HSP90AB1: variants seen among roughly 807,000 people sequenced by gnomAD.
HSP90AB1 encodes the protein heat shock protein HSP 90-beta.
Under a neutral mutation model 67.8 loss-of-function variants are expected in HSP90AB1, and 17 were observed. The ratio of observed to expected loss-of-function variants is 0.25; its 90% CI spans 0.17 to 0.38. The LOEUF is 0.38. Ranked by LOEUF, HSP90AB1 falls within the 10% of genes least tolerant of loss-of-function variation. The pLI, the probability that HSP90AB1 is intolerant of heterozygous loss-of-function variation, is 1.00. For missense variants in HSP90AB1, 690 were observed against 899.9 expected, an observed-to-expected ratio of 0.77 and a Z score of 2.98; for synonymous variants, 390 against 312.9, an observed-to-expected ratio of 1.25 and a Z score of -2.60.
Position 44,251,773 on chromosome 6 carries a change from C to T in HSP90AB1, c.1351C>T (p.Leu451=), listed in dbSNP as rs1425745069. 1 of 1,613,592 alleles carries T rather than the reference C, an allele frequency of 6.2e-7. No individual in the cohort carries two copies. Among genetic ancestry groups the T allele is most frequent in the East Asian group, 2.2e-5 (1 of 44,888 alleles). Residue 451 remains leucine, a synonymous_variant, in exon 9 of 12, where the codon CTG becomes TTG. Transcript: ENST00000371646. ...CGAAGACTCCACTAACCGCCGCCGC[C>T]TGTCTGAGCTGCTGCGCTATCATAC... is the stretch of plus-strand genomic sequence containing the variant. ...IHEDSTNRRR[L]SELLRYHTSQ...
chr6:44,246,438 G>GAGACAGGCCTGGAAACTGCT (rs1779911634), upstream of HSP90AB1: 2 of 152,524 alleles, frequency 1.3e-5, no homozygotes, highest in African/African-American at 4.8e-5. Flanking sequence ...CGGGACCGCC[G>GAGACAGGCCTGGAAACTGCT]AGACAGGCCT....
rs771839691 is a variant in HSP90AB1 at position 44,251,655 on chromosome 6, TAAC to T, written c.1314+50_1314+52del. On this transcript the variant is annotated intron_variant, in intron 8 of 11. Coordinates refer to ENST00000371646, the MANE Select transcript of HSP90AB1 (RefSeq NM_007355.4). Reference sequence around the variant, plus strand: ...ATTCCCTTTACCACTTTCTTAGTAATAACAATAAATTATTCCATTCACATTGAA... The same window carrying T: ...ATTCCCTTTACCACTTTCTTAGTAATAATAAATTATTCCATTCACATTGAA... 1.1e-5 allele frequency: 18 copies of T among 1,586,436 alleles called. No homozygotes were observed. The Middle Eastern group carries it at 5.0e-4, about 44-fold the overall frequency.
Position 44,251,993 on chromosome 6 carries a change from C to T in HSP90AB1, c.1463-6C>T, listed in dbSNP as rs770493936. The T allele has an allele frequency of 2.5e-6, 4 of 1,614,140 alleles. No individual in the cohort carries two copies. The South Asian group carries it at 3.3e-5, about 13-fold the overall frequency. Reference sequence around the variant, plus strand: ...TAGTCACTGAGTTCATTTAATTACCCTACAGGTGAGAGCAAAGAGCAGGTG... The same window carrying T: ...TAGTCACTGAGTTCATTTAATTACCTTACAGGTGAGAGCAAAGAGCAGGTG... On this transcript the variant is annotated splice_region_variant and splice_polypyrimidine_tract_variant and intron_variant, in intron 9 of 11. Coordinates refer to ENST00000371646, the MANE Select transcript of HSP90AB1 (RefSeq NM_007355.4).
intron 6 of HSP90AB1, 79 bp downstream of exon 6, chr6:44,250,678 G>C: frequency 1.2e-6 from 1 of 802,336 alleles, no homozygotes; most frequent in Non-Finnish European, 2.1e-6. Context: ...TTGGGTAATA[G>C]ACACACGGAA....
Position 44,251,879 on chromosome 6 carries a change from T to C in HSP90AB1, c.1457T>C (p.Ile486Thr). The C allele has an allele frequency of 6.2e-7, 1 of 1,613,222 alleles. No homozygotes were observed. The highest frequency in any genetic ancestry group is 8.5e-7 in the Non-Finnish European group (1 of 1,180,032). Residue 486 changes from isoleucine (I) to threonine (T), a missense_variant, in exon 9 of 12, where the codon ATC becomes ACC. Ile to Thr is a moderately conservative substitution (Grantham distance 89). This residue lies in a region of HSP90AB1 where 206 missense variants were observed against 221.4 expected (regional missense o/e 0.93). Transcript: ENST00000371646. ...MKETQKSIYY[I>T]TGESKEQVAN... ...GAGACACAGAAGTCCATCTATTACA[T>C]CACTGGTGCGTTGACTCTGATTGAA...
At chr6:44,247,533 C>T (rs965403920) in intron 1 of HSP90AB1, among the ~76,000 whole-genome samples, 2 of 152,200 alleles carry the variant, frequency 1.3e-5, no homozygotes, top group African/African-American at 4.8e-5. Context: ...GACGCGGCTA[C>T]GGGGCGTCGG....
In HSP90AB1 at chr6:44,253,368, G is replaced by A. The variant is rs1582991252; in HGVS notation, c.2055G>A (p.Lys685=). The change falls in exon 11 of 12, where the codon AAG becomes AAA. Residue 685 remains lysine (K), a synonymous_variant. Coordinates refer to ENST00000371646, the MANE Select transcript of HSP90AB1 (RefSeq NM_007355.4). ...CCAACCGCATCTATCGCATGATCAA[G>A]CTAGGTCTAGGTAAGTAGCTTTGGT... ...THSNRIYRMI[K]LGLGIDEDEV... The A allele has an allele frequency of 6.2e-7, 1 of 1,614,034 alleles. No individual in the cohort carries two copies. The highest frequency in any genetic ancestry group is 2.2e-5 in the East Asian group (1 of 44,886).
Position 44,253,113 on chromosome 6 carries a change from C to G in HSP90AB1, c.1800C>G (p.Ala600=), listed in dbSNP as rs200823136. Residue 600 remains alanine, a synonymous_variant, in exon 11 of 12, where the codon GCC becomes GCG. Transcript: ENST00000371646. ...CIVTSTYGWT[A]NMERIMKAQA... ...TGACCAGCACCTACGGCTGGACAGC[C>G]AATATGGAGCGGATCATGAAAGCCC... The G allele has an allele frequency of 5.6e-6, 9 of 1,614,164 alleles. No individual in the cohort carries two copies. The highest frequency in any genetic ancestry group is 7.6e-6 in the Non-Finnish European group (9 of 1,180,022).
At chr6:44,252,309 G>A (rs762974063) in intron 10 of HSP90AB1, 42 bp downstream of exon 10, 4 of 1,571,664 alleles carry the variant, frequency 2.5e-6, no homozygotes, top group Middle Eastern at 1.7e-4. Context: ...TAACATCTTC[G>A]AGGTGGGCTC....
Position 44,253,085 on chromosome 6 carries a change from T to C in HSP90AB1, c.1772T>C (p.Ile591Thr). The C allele has an allele frequency of 6.2e-7, 1 of 1,614,114 alleles. No homozygotes were observed. The highest frequency in any genetic ancestry group is 8.5e-7 in the Non-Finnish European group (1 of 1,179,952). ...AGACTTGTGTCTTCACCTTGCTGCA[T>C]TGTGACCAGCACCTACGGCTGGACA... is the stretch of plus-strand genomic sequence containing the variant. ...SNRLVSSPCCIVTSTYGWTAN... is the reference protein window; with the variant it reads ...SNRLVSSPCCTVTSTYGWTAN... Residue 591 changes from isoleucine to threonine, a missense_variant, in exon 11 of 12, where the codon ATT becomes ACT. By Grantham distance (89) the Ile-to-Thr change is moderately conservative. This residue lies in a region of HSP90AB1 where 206 missense variants were observed against 221.4 expected (regional missense o/e 0.93). Coordinates refer to ENST00000371646, the MANE Select transcript of HSP90AB1 (RefSeq NM_007355.4).
At position 44,248,675 on chromosome 6, in the gene HSP90AB1, G is replaced by A. The variant is rs772936979; in HGVS notation, c.46G>A (p.Ala16Thr). 1 of 1,613,980 alleles carries A rather than the reference G, an allele frequency of 6.2e-7. No homozygotes were observed. The highest frequency in any genetic ancestry group is 8.5e-7 in the Non-Finnish European group (1 of 1,179,868). The change falls in exon 2 of 12, where the codon GCC becomes ACC. Residue 16 changes from alanine (A) to threonine (T), a missense_variant. Coordinates refer to ENST00000371646, the MANE Select transcript of HSP90AB1 (RefSeq NM_007355.4). ...TGGAGAGGAGGAGGTGGAGACTTTTGCCTTTCAGGCAGAAATTGCCCAACT... is the reference window on the plus strand; with the variant it reads ...TGGAGAGGAGGAGGTGGAGACTTTTACCTTTCAGGCAGAAATTGCCCAACT... Reference protein sequence around the residue: ...HHGEEEVETFAFQAEIAQLMS... With the variant: ...HHGEEEVETFTFQAEIAQLMS...
intron 10 of HSP90AB1, 67 bp downstream of exon 10, chr6:44,252,334 T>C: frequency 6.8e-7 from 1 of 1,464,790 alleles, no homozygotes; most frequent in South Asian, 1.2e-5. Flanking sequence ...ACAAGCATGT[T>C]TCTATACAAT....
Position 44,253,658 on chromosome 6 carries a change from T to C in HSP90AB1, c.*60T>C. 7.7e-7 allele frequency: 1 copy of C among 1,298,198 alleles called. No individual in the cohort carries two copies. The highest frequency in any genetic ancestry group is 1.1e-6 in the Non-Finnish European group (1 of 891,710). 80.4% of individuals were successfully genotyped at this position (1,298,198 alleles called of 1,614,324 possible). On this transcript the variant is annotated 3_prime_UTR_variant, in exon 12 of 12. Transcript: ENST00000371646. Reference sequence around the variant, plus strand: ...GTATAGTGTCCCCATGGGCTCCCACTGCAGCCTCGAGTGCCCCTGTCCCAC... The same window carrying C: ...GTATAGTGTCCCCATGGGCTCCCACCGCAGCCTCGAGTGCCCCTGTCCCAC...
chr6:44,248,849 T>G, intron 2 of HSP90AB1, 73 bp downstream of exon 2: 3 of 1,380,096 alleles, frequency 2.2e-6, no homozygotes, highest in Non-Finnish European at 3.0e-6. Flanking sequence ...AAGGAGTGGT[T>G]TGGCCTTTGT....
Position 44,249,368 on chromosome 6 carries a change from T to C in HSP90AB1, c.148-9T>C. 1 of 1,611,604 alleles carries C rather than the reference T, an allele frequency of 6.2e-7. No homozygotes were observed. Among genetic ancestry groups the C allele is most frequent in the Non-Finnish European group, 8.5e-7 (1 of 1,177,794 alleles). ...AAGAGCAAAAGTAAGTTGCTGTTTG[T>C]ATTTCCAGGCCTTGGACAAGATTCG... On this transcript the variant is annotated splice_polypyrimidine_tract_variant and intron_variant, in intron 2 of 11. Transcript: ENST00000371646.
chr6:44,252,149 A>G lies in HSP90AB1; in HGVS notation c.1613A>G (p.Lys538Arg). Reference sequence around the variant, plus strand: ...GGGAAGAGCCTGGTCTCAGTTACCAAGGAGGGTCTGGAGCTGCCTGAGGAT... The same window carrying G: ...GGGAAGAGCCTGGTCTCAGTTACCAGGGAGGGTCTGGAGCTGCCTGAGGAT... ...FDGKSLVSVT[K>R]EGLELPEDEE... The change falls in exon 10 of 12, where the codon AAG becomes AGG. Residue 538 changes from lysine to arginine, a missense_variant. This residue lies in a region of HSP90AB1 where 206 missense variants were observed against 221.4 expected (regional missense o/e 0.93). Coordinates refer to ENST00000371646, the MANE Select transcript of HSP90AB1 (RefSeq NM_007355.4). 1 of 1,614,176 alleles carries G rather than the reference A, an allele frequency of 6.2e-7. No homozygotes were observed. Among genetic ancestry groups the G allele is most frequent in the Non-Finnish European group, 8.5e-7 (1 of 1,180,020 alleles).
At chr6:44,252,895 T>G in intron 10 of HSP90AB1, 150 bp from the exon 11 acceptor site, 1 of 640,396 alleles carries the variant, frequency 1.6e-6, no homozygotes, top group African/African-American at 1.8e-5. Context: ...GGTTAATTTT[T>G]TGTAGACAGG....
chr6:44,252,404 T>C, intron 10 of HSP90AB1, 137 bp downstream of exon 10: 4 of 766,230 alleles, frequency 5.2e-6, no homozygotes, highest in Non-Finnish European at 8.4e-6. Flanking sequence ...TTCTCTTCTC[T>C]AGTCAGGTTT....
intron 1 of HSP90AB1, chr6:44,248,129 G>A (rs923059540): frequency 6.5e-6 from 1 of 153,908 alleles, no homozygotes. Flanking sequence ...TATGGGGCAG[G>A]AGTGTCCCGC....
Sources: gnomAD v4.1 joint callset for allele counts (sites outside exome capture counted in the v4.1 genomes callset) on GRCh38, gnomAD v4.1.1 for gene constraint, gnomAD v4.1.1 regional missense constraint, MANE v1.5 for transcripts, NCBI Gene and HGNC (gene_info 2026-07-23, HGNC 2026-07-21) for gene names.